Variants in RUSC2 observed in about 807,000 individuals in gnomAD.
RUSC2 encodes RUN and SH3 domain containing 2.
Under a neutral mutation model 122.2 loss-of-function variants are expected in RUSC2, and 34 were observed. The observed-to-expected ratio is 0.28, with a 90% CI of 0.21 to 0.37. The LOEUF is 0.37. Among genes scored for constraint, RUSC2 ranks in the 10% least tolerant of loss-of-function variants. RUSC2 has a pLI of 1.00. For synonymous variants in RUSC2, 784 were observed against 790.0 expected (o/e 0.99, Z 0.13); for missense variants, 1,747 against 1,952.4 (o/e 0.89, Z 1.98).
chr9:35,536,248 A>G (rs1294988562), intron 1 of RUSC2, among the ~76,000 whole-genome samples: 2 of 152,224 alleles, frequency 1.3e-5, no homozygotes, highest in African/African-American at 2.4e-5. Flanking sequence ...TCCAATATTG[A>G]TCCCCGTTTT....
At position 35,558,135 on chromosome 9, in the gene RUSC2, G is replaced by A; in HGVS notation, c.3061-62G>A. 6.3e-7 allele frequency: 1 copy of A among 1,595,492 alleles called. No homozygotes were observed. The highest frequency in any genetic ancestry group is 8.6e-7 in the Non-Finnish European group (1 of 1,169,434). ...GGCAAGAGGGGAACCATGAGGGCCTGCTACGAGAGGACCACAGTCAGGCCT... is the reference window on the plus strand; with the variant it reads ...GGCAAGAGGGGAACCATGAGGGCCTACTACGAGAGGACCACAGTCAGGCCT... On this transcript the variant is annotated intron_variant, in intron 6 of 11. Transcript: ENST00000361226. This position sits in a 1 kb window ranked among gnomAD's most constrained non-coding sequence, Gnocchi z 4.3.
In RUSC2 at chr9:35,546,851, T is replaced by C; in HGVS notation, c.330T>C (p.Gly110=). 1 of 1,609,460 alleles carries C rather than the reference T, an allele frequency of 6.2e-7. No homozygotes were observed. Among genetic ancestry groups the C allele is most frequent in the East Asian group, 2.2e-5 (1 of 44,872 alleles). ...HNPFLLQEGV[G]EPGLGDLYDD... ...CCTTCTTGCTGCAGGAGGGTGTGGG[T>C]GAGCCAGGACTTGGTGACCTGTATG... is the stretch of plus-strand genomic sequence containing the variant. The change falls in exon 2 of 12, where the codon GGT becomes GGC. Residue 110 remains glycine, a synonymous_variant. Transcript: ENST00000361226. This position sits in a 1 kb window ranked among gnomAD's most constrained non-coding sequence, Gnocchi z 4.3.
intron 1 of RUSC2, among the ~76,000 whole-genome samples, chr9:35,501,808 G>T (rs1160198455): frequency 6.6e-6 from 1 of 152,068 alleles, no homozygotes; most frequent in Non-Finnish European, 1.5e-5. Context: ...GAGTTTCATG[G>T]AACCAGAAAT....
In RUSC2 at chr9:35,560,275, G is replaced by A. The variant is rs772271128; in HGVS notation, c.3635G>A (p.Arg1212Gln). The A allele has an allele frequency of 4.4e-6, 7 of 1,589,064 alleles. No individual in the cohort carries two copies. The highest frequency in any genetic ancestry group is 1.7e-5 in the Admixed American group (1 of 57,984). The change falls in exon 10 of 12, where the codon CGG (arginine) becomes CAG (glutamine). Residue 1212 changes from arginine to glutamine, a missense_variant. Physicochemically the swap from Arg to Gln is conservative, Grantham distance 43. Transcript: ENST00000361226. ...AHSTLQLARA[R>Q]GQEGPGDVDR... ...TCCACGCTGCAGCTGGCCCGGGCCC[G>A]GGGCCAGGAGGGCCCTGGAGACGTG...
At chr9:35,559,426 C>G (rs1244986226) in intron 9 of RUSC2, among the ~76,000 whole-genome samples, 154 bp downstream of exon 9, 1 of 152,194 alleles carries the variant, frequency 6.6e-6, no homozygotes, top group Non-Finnish European at 1.5e-5. Context: ...AAGGCCTTCC[C>G]CAGCCTCTGC....
At chr9:35,508,176 CGT>C (rs1320755788) in intron 1 of RUSC2, among the ~76,000 whole-genome samples, 1 of 152,158 alleles carries the variant, frequency 6.6e-6, no homozygotes, top group East Asian at 1.9e-4. Context: ...AATCTGCAAA[CGT>C]GTCTACAGCC....
intron 2 of RUSC2, among the ~76,000 whole-genome samples, chr9:35,553,738 G>A (rs895422362): frequency 6.6e-6 from 1 of 152,200 alleles, no homozygotes; most frequent in Admixed American, 6.5e-5. Flanking sequence ...AGAATGCAGA[G>A]TCTGTGTAAG....
chr9:35,494,617 G>C (rs1002797993), intron 1 of RUSC2, among the ~76,000 whole-genome samples: 1 of 151,874 alleles, frequency 6.6e-6, no homozygotes, highest in Admixed American at 6.6e-5. Flanking sequence ...GCCTATTCAA[G>C]TCCTTTGCCC....
chr9:35,527,693 C>T (rs1206662791), intron 1 of RUSC2, among the ~76,000 whole-genome samples: 2 of 152,180 alleles, frequency 1.3e-5, no homozygotes, highest in African/African-American at 4.8e-5. Context: ...GTTATTTGCT[C>T]ATGGCATCTT....
At chr9:35,512,330 AT>A (rs1404775302) in intron 1 of RUSC2, among the ~76,000 whole-genome samples, 1 of 152,192 alleles carries the variant, frequency 6.6e-6, no homozygotes, top group African/African-American at 2.4e-5. Context: ...AATATAAGGC[AT>A]TTTAGAACTT....
chr9:35,499,788 C>G (rs1820788857), intron 1 of RUSC2, among the ~76,000 whole-genome samples: 1 of 151,980 alleles, frequency 6.6e-6, no homozygotes, highest in African/African-American at 2.4e-5. Flanking sequence ...TTATCCACGC[C>G]CAGGCAAAAG....
At chr9:35,559,746 C>CAA (rs989968327) in intron 9 of RUSC2, among the ~76,000 whole-genome samples, 1 of 152,048 alleles carries the variant, frequency 6.6e-6, no homozygotes, top group Non-Finnish European at 1.5e-5. Context: ...AAAAACAAAA[C>CAA]AAAAAACCTT....
At chr9:35,559,950 C>T (rs1322224666) in intron 9 of RUSC2, 79 bp from the exon 10 acceptor site, 1 of 1,244,798 alleles carries the variant, frequency 8.0e-7, no homozygotes, top group East Asian at 2.3e-5. Context: ...AGCAGCTCTG[C>T]CCAGACTGTC....
intron 2 of RUSC2, among the ~76,000 whole-genome samples, chr9:35,554,069 G>A (rs549719907): frequency 5.5e-4 from 84 of 152,262 alleles, no homozygotes; most frequent in African/African-American, 2.0e-3. Flanking sequence ...TTCCCGCCTC[G>A]CAGAGCTACT....
intron 1 of RUSC2, among the ~76,000 whole-genome samples, chr9:35,540,991 A>G (rs1055803776): frequency 1.2e-4 from 19 of 152,216 alleles, no homozygotes; most frequent in Non-Finnish European, 2.2e-4. Context: ...GAGATGATAT[A>G]TATAAATTAA....
Position 35,548,889 on chromosome 9 carries a change from A to T in RUSC2, c.2014+354A>T. On this transcript the variant is annotated intron_variant, in intron 2 of 11. Coordinates refer to ENST00000361226, the MANE Select transcript of RUSC2 (RefSeq NM_014806.5). The surrounding 1 kb of genome is among the most constrained non-coding windows in gnomAD (Gnocchi z 4.5). The stretch of plus-strand genomic sequence containing the variant: ...TACTAAAATAAAAAATAAACTAGCC[A>T]GGAGTGGTAGCACCCACCTGTAATC... 2.0e-6 allele frequency: 1 copy of T among 509,788 alleles called. No individual in the cohort carries two copies. Among genetic ancestry groups the T allele is most frequent in the Non-Finnish European group, 2.5e-6 (1 of 395,354 alleles). 31.6% of individuals were successfully genotyped at this position (509,788 alleles called of 1,614,324 possible).
chr9:35,559,986 T>C (rs923023373), intron 9 of RUSC2, 43 bp from the exon 10 acceptor site: 5 of 1,506,658 alleles, frequency 3.3e-6, no homozygotes, highest in Non-Finnish European at 4.5e-6. Flanking sequence ...TGGGCCAGGC[T>C]CTGGTTCTCT....
intron 9 of RUSC2, among the ~76,000 whole-genome samples, 198 bp downstream of exon 9, chr9:35,559,470 C>T (rs1193433531): frequency 1.3e-5 from 2 of 152,218 alleles, no homozygotes; most frequent in South Asian, 2.1e-4. Context: ...CATGGTGGCT[C>T]ATGCCTGTAA....
chr9:35,556,253 G>A (rs870978), intron 4 of RUSC2, 55 bp from the exon 5 acceptor site: 1 of 1,605,066 alleles, frequency 6.2e-7, no homozygotes, highest in Non-Finnish European at 8.5e-7. Context: ...CACTGAACTG[G>A]CCTGGAACTC....
Sources: allele counts gnomAD v4.1 joint callset (sites outside exome capture counted in the v4.1 genomes callset), GRCh38; gene constraint gnomAD v4.1.1; non-coding constraint Gnocchi (gnomAD v3.1); transcripts MANE v1.5; gene names NCBI Gene and HGNC (gene_info 2026-07-23, HGNC 2026-07-21).